The following IFI27 variants were observed in gnomAD, a reference collection of about 807,000 sequenced individuals.
IFI27 encodes the protein interferon alpha inducible protein 27.
IFI27 carries 3 observed loss-of-function variants against 8.9 expected under a neutral mutation model. That is an observed-to-expected ratio of 0.34 (90% confidence interval 0.15 to 0.87). The LOEUF is 0.87. Among genes scored for constraint, IFI27 ranks in the 40% least tolerant of loss-of-function variants. The pLI is 0.51. For missense variants in IFI27, 152 were observed against 157.7 expected (o/e 0.96, Z 0.19); for synonymous variants, 66 against 67.3 (o/e 0.98, Z 0.09).
upstream of IFI27, among the ~76,000 whole-genome samples, chr14:94,109,331 G>A (rs950795164): frequency 2.3e-4 from 35 of 151,118 alleles, no homozygotes; most frequent in Non-Finnish European, 4.1e-4. Context: ...GGGAGGGGAG[G>A]GGAGGGGAGG....
At chr14:94,108,401 C>T (rs539290910), upstream of IFI27, among the ~76,000 whole-genome samples, 25 of 152,296 alleles carry the variant, frequency 1.6e-4, no homozygotes, top group East Asian at 4.8e-3. Context: ...TTGTGTAGAA[C>T]TGCTGGACAA....
chr14:94,115,660 C>A, intron 3 of IFI27, 121 bp from the exon 4 acceptor site: 2 of 1,029,052 alleles, frequency 1.9e-6, no homozygotes, highest in Non-Finnish European at 2.8e-6. Flanking sequence ...TGCCCATAGT[C>A]TCTCCCAAGC....
At chr14:94,107,094 T>A (rs7143873), upstream of IFI27, among the ~76,000 whole-genome samples, 52,429 of 151,856 alleles carry the variant, frequency 0.35, 9,766 homozygotes, top group South Asian at 0.47. Context: ...TTTCAGATGG[T>A]GTTTCACTCT....
upstream of IFI27, among the ~76,000 whole-genome samples, chr14:94,109,377 GAAGGGCAAGGGC>G (rs771543145): frequency 6.7e-6 from 1 of 150,192 alleles, no homozygotes; most frequent in African/African-American, 2.5e-5. Flanking sequence ...GAAGGGCAGG[GAAGGGCAAGGGC>G]AAGGGCAAGG....
At chr14:94,115,457 C>A (rs989972942) in intron 3 of IFI27, 3 of 599,656 alleles carry the variant, frequency 5.0e-6, no homozygotes, top group Non-Finnish European at 9.2e-6. Context: ...AGATAAGAAA[C>A]TTGCCAACCA....
In IFI27 at chr14:94,112,038, GGGTCTATCTACC is replaced by G. The variant is rs1180808655; in HGVS notation, c.91+266_91+277del. The G allele has an allele frequency of 1.0e-4, 58 of 570,288 alleles. No homozygotes were observed. In the East Asian group the frequency reaches 1.7e-3, roughly 17 times the overall value. 35.3% of individuals were successfully genotyped at this position (570,288 alleles called of 1,614,324 possible). A position where few individuals can be genotyped will look rare whatever the true frequency, so the allele number is the denominator to read the frequency against. On this transcript the variant is annotated intron_variant, in intron 2 of 4. Coordinates refer to ENST00000621160, the Ensembl canonical transcript of IFI27. ...GGGCCTCCTCCTGCCTAGCCGGAAA[GGGTCTATCTACC>G]ACTGAGTCCCACTCTCTTCAGCTCT...
At chr14:94,110,988 A>G (rs1887160337) in intron 1 of IFI27, 191 bp downstream of exon 1, 1 of 154,536 alleles carries the variant, frequency 6.5e-6, no homozygotes, top group Middle Eastern at 5.2e-4. Context: ...TGTAAGGACA[A>G]TTAGCTTTGT....
chr14:94,115,828 A>G (rs1446512621), exon 4 of IFI27: 2 of 1,606,486 alleles, frequency 1.2e-6, no homozygotes, highest in South Asian at 1.1e-5. Context: ...CATGGGCTTC[A>G]CTGCGGCGGG....
upstream of IFI27, among the ~76,000 whole-genome samples, chr14:94,110,495 A>G (rs191941693): frequency 9.1e-4 from 139 of 152,224 alleles, no homozygotes; most frequent in Admixed American, 2.0e-3. Flanking sequence ...CGTAGAGCAC[A>G]CTCCCATCCT....
At position 94,111,192 on chromosome 14, in the gene IFI27, G is replaced by C. The variant is rs892360627; in HGVS notation, c.-59+395G>C. ...TCGCGCTCCCTCATCTGTAACATGC[G>C]GAGGAGGAGGGTCCCATCTTTTTCA... On this transcript the variant is annotated intron_variant, in intron 1 of 4. Coordinates refer to ENST00000621160, the Ensembl canonical transcript of IFI27. This position sits in a 1 kb window ranked among gnomAD's most constrained non-coding sequence, Gnocchi z 4.3. 1.4e-4 allele frequency among the ~76,000 whole-genome samples: 22 copies of C among 152,198 alleles called. No individual in the cohort carries two copies. The highest frequency in any genetic ancestry group is 9.8e-4 in the Admixed American group (15 of 15,290).
chr14:94,106,085 T>G (rs10139429), upstream of IFI27, among the ~76,000 whole-genome samples: 95,088 of 152,118 alleles, frequency 0.63, 31,270 homozygotes, highest in East Asian at 0.95. Flanking sequence ...TGGTCAGGGT[T>G]CCTTTCCTGG....
upstream of IFI27, among the ~76,000 whole-genome samples, chr14:94,106,285 G>A (rs142055038): frequency 1.9e-3 from 291 of 152,312 alleles, 1 homozygote; most frequent in African/African-American, 6.0e-3. Flanking sequence ...TGGCGGGGCC[G>A]TGGCATTCAG....
intron 3 of IFI27, 23 bp downstream of exon 3, chr14:94,114,903 C>G (rs1887331870): frequency 6.2e-7 from 1 of 1,611,452 alleles, no homozygotes; most frequent in Non-Finnish European, 8.5e-7. Flanking sequence ...GGAAGGGGCT[C>G]AAGTAACCAC....
upstream of IFI27, among the ~76,000 whole-genome samples, chr14:94,107,130 C>T (rs147651137): frequency 2.9e-3 from 447 of 152,192 alleles, 2 homozygotes; most frequent in African/African-American, 9.8e-3. Context: ...AGTGCAATGG[C>T]ACAATCTCGG....
upstream of IFI27, among the ~76,000 whole-genome samples, chr14:94,106,709 G>C (rs564408677): frequency 4.6e-5 from 7 of 152,314 alleles, no homozygotes; most frequent in Admixed American, 1.3e-4. Context: ...TCTGCAGGGA[G>C]CATGGCACTG....
chr14:94,107,417 T>C (rs552162647), upstream of IFI27, among the ~76,000 whole-genome samples: 1 of 152,232 alleles, frequency 6.6e-6, no homozygotes, highest in Non-Finnish European at 1.5e-5. Flanking sequence ...TGTTGAGTTG[T>C]AGCATTTTTT....
At chr14:94,106,560 T>C (rs1567074695), upstream of IFI27, among the ~76,000 whole-genome samples, 2 of 152,222 alleles carry the variant, frequency 1.3e-5, no homozygotes, top group South Asian at 2.1e-4. Flanking sequence ...TCCCTAATGA[T>C]TGGCGATCTT....
At chr14:94,114,947 G>A (rs1887334397) in intron 3 of IFI27, 67 bp downstream of exon 3, 10 of 1,466,118 alleles carry the variant, frequency 6.8e-6, no homozygotes, top group Non-Finnish European at 9.6e-6. Context: ...GGGAGCAGCT[G>A]GCCTTGTCCA....
chr14:94,116,232 C>G lies in IFI27; in HGVS notation c.284-210C>G. On this transcript the variant is annotated intron_variant, in intron 4 of 4. Coordinates refer to ENST00000621160, the Ensembl canonical transcript of IFI27. This position sits in a 1 kb window ranked among gnomAD's most constrained non-coding sequence, Gnocchi z 4.3. The stretch of plus-strand genomic sequence containing the variant: ...CCCTGAAGAGCGAGGCTGCTTCTAG[C>G]TCTGGAGTTCACCATGGGGGTTCAT... 1 of 655,118 alleles carries G rather than the reference C, an allele frequency of 1.5e-6. No individual in the cohort carries two copies. Among genetic ancestry groups the G allele is most frequent in the South Asian group, 1.7e-5 (1 of 58,768 alleles). 40.6% of individuals were successfully genotyped at this position (655,118 alleles called of 1,614,324 possible).
Sources: gnomAD v4.1 joint callset for allele counts (sites outside exome capture counted in the v4.1 genomes callset) on GRCh38, gnomAD v4.1.1 for gene constraint, Gnocchi (gnomAD v3.1) non-coding constraint, MANE v1.5 for transcripts, NCBI Gene and HGNC (gene_info 2026-07-23, HGNC 2026-07-21) for gene names.